PDZD2: variants seen among roughly 807,000 people sequenced by gnomAD.
PDZD2 encodes PDZ domain containing 2, also known as PDZ domain-containing protein 2.
A neutral mutation model predicts 220.7 loss-of-function variants in PDZD2; 90 were observed. That is an observed-to-expected ratio of 0.41 (90% CI 0.34 to 0.49). The LOEUF (loss-of-function observed/expected upper bound fraction) is 0.49. PDZD2 is among the 20% of genes least tolerant of loss of function. The probability of loss-of-function intolerance (pLI) is 0.28; values close to 1 mark genes in which losing one functional copy is unlikely to be tolerated. For synonymous variants in PDZD2, 1,375 were observed against 1,450.5 expected (o/e 0.95, Z 1.18); for missense variants, 3,174 against 3,608.5 (o/e 0.88, Z 3.08).
intron 2 of PDZD2, chr5:31,908,369 C>A: frequency 3.0e-6 from 1 of 330,472 alleles, no homozygotes; most frequent in Non-Finnish European, 5.6e-6. Context: ...TCATGATTAT[C>A]TACTGGGACC....
chr5:31,893,988 G>A (rs1205753511), intron 2 of PDZD2, among the ~76,000 whole-genome samples: 12 of 150,674 alleles, frequency 8.0e-5, no homozygotes, highest in East Asian at 2.0e-4. Context: ...TCCACCTCCC[G>A]GGTTCAAGTG....
intron 2 of PDZD2, among the ~76,000 whole-genome samples, chr5:31,977,049 C>T (rs1448816533): frequency 6.7e-6 from 1 of 149,952 alleles, no homozygotes; most frequent in Non-Finnish European, 1.5e-5. Flanking sequence ...GTAGAGACAG[C>T]TTCCTGCCAT....
intron 1 of PDZD2, among the ~76,000 whole-genome samples, chr5:31,670,304 C>T (rs1377022173): frequency 2.0e-5 from 3 of 152,164 alleles, no homozygotes; most frequent in Non-Finnish European, 4.4e-5. Context: ...CATATCAGGA[C>T]TTTAGTTTGA....
At chr5:31,735,572 G>A (rs1382486655) in intron 1 of PDZD2, among the ~76,000 whole-genome samples, 1 of 152,094 alleles carries the variant, frequency 6.6e-6, no homozygotes, top group African/African-American at 2.4e-5. Flanking sequence ...GCCAAGGTGG[G>A]GTGGATCACC....
chr5:31,811,657 T>C (rs189398574), intron 2 of PDZD2, among the ~76,000 whole-genome samples: 103 of 152,252 alleles, frequency 6.8e-4, no homozygotes, highest in Non-Finnish European at 1.3e-3. Flanking sequence ...AAAGGAGGCC[T>C]GAACTATTAT....
At chr5:32,007,210 G>A (rs1393671710) in intron 5 of PDZD2, among the ~76,000 whole-genome samples, 1 of 150,948 alleles carries the variant, frequency 6.6e-6, no homozygotes, top group Non-Finnish European at 1.5e-5. Context: ...GAGCCACCGC[G>A]CCCGGCCTGC....
At chr5:31,996,830 C>T (rs775993665) in intron 4 of PDZD2, among the ~76,000 whole-genome samples, 4 of 152,150 alleles carry the variant, frequency 2.6e-5, no homozygotes, top group African/African-American at 9.7e-5. Flanking sequence ...GCAGTGTGAG[C>T]CATCACTGTG....
chr5:31,964,967 C>T (rs1479796749), intron 2 of PDZD2, among the ~76,000 whole-genome samples: 2 of 152,108 alleles, frequency 1.3e-5, no homozygotes, highest in Non-Finnish European at 2.9e-5. Flanking sequence ...CGTGATCCGC[C>T]CACCTCCGCT....
intron 2 of PDZD2, among the ~76,000 whole-genome samples, chr5:31,846,242 T>C (rs946964501): frequency 3.9e-5 from 6 of 152,240 alleles, no homozygotes; most frequent in African/African-American, 1.4e-4. Flanking sequence ...CAAGTGATTC[T>C]CCTGCCTCAG....
At chr5:31,836,228 CTTT>C (rs34323361) in intron 2 of PDZD2, among the ~76,000 whole-genome samples, 1 of 122,164 alleles carries the variant, frequency 8.2e-6, no homozygotes. Context: ...ATTTTATTGG[CTTT>C]TTTTTTTTTT....
intron 7 of PDZD2, among the ~76,000 whole-genome samples, chr5:32,047,234 AAAC>A (rs151225858): frequency 0.13 from 19,291 of 152,150 alleles, 1,285 homozygotes; most frequent in South Asian, 0.16. Flanking sequence ...AATTTAAAAA[AAAC>A]AAATGAATAC....
At chr5:31,734,813 C>T (rs1749752869) in intron 1 of PDZD2, among the ~76,000 whole-genome samples, 1 of 152,142 alleles carries the variant, frequency 6.6e-6, no homozygotes, top group Admixed American at 6.6e-5. Flanking sequence ...AGCCCTCAGC[C>T]ACCAGTCATC....
chr5:32,089,748 G>C lies in PDZD2; in HGVS notation c.6300G>C (p.Val2100=). The C allele has an allele frequency of 6.2e-7, 1 of 1,614,190 alleles. No individual in the cohort carries two copies. Among genetic ancestry groups the C allele is most frequent in the Non-Finnish European group, 8.5e-7 (1 of 1,180,024 alleles). Residue 2100 remains valine, a synonymous_variant, in exon 20 of 25, where the codon GTG becomes GTC. Transcript: ENST00000438447. ...LKIVEISAEA[V]SETVCGNKPA... Reference sequence around the variant, plus strand: ...TCGTGGAGATTTCTGCTGAAGCAGTGTCAGAGACTGTATGTGGTAACAAGC... The same window carrying C: ...TCGTGGAGATTTCTGCTGAAGCAGTCTCAGAGACTGTATGTGGTAACAAGC...
chr5:32,030,024 G>T (rs551068032), intron 6 of PDZD2, among the ~76,000 whole-genome samples: 4 of 152,366 alleles, frequency 2.6e-5, no homozygotes, highest in African/African-American at 9.6e-5. Flanking sequence ...CCTACTTCAA[G>T]TGCTTTCTGT....
rs369628137 is a variant in PDZD2, at chr5:32,074,265, G to A, written c.3159G>A (p.Ala1053=). The A allele has an allele frequency of 5.8e-5, 94 of 1,614,048 alleles. 1 individual carries two copies. Among genetic ancestry groups the A allele is most frequent in the African/African-American group, 5.7e-4 (43 of 74,936 alleles). The part of the protein sequence containing the change: ...ESIPEGMVDA[A]SYAANLTDSA... Reference sequence around the variant, plus strand: ...TCCCAGAGGGCATGGTGGATGCTGCGTCCTATGCAGCCAACCTCACGGACT... The same window carrying A: ...TCCCAGAGGGCATGGTGGATGCTGCATCCTATGCAGCCAACCTCACGGACT... Residue 1053 remains alanine (A), a synonymous_variant, in exon 18 of 25, where the codon GCG becomes GCA. Coordinates refer to ENST00000438447, the MANE Select transcript of PDZD2 (RefSeq NM_178140.4).
intron 1 of PDZD2, among the ~76,000 whole-genome samples, chr5:31,663,758 G>A (rs1255219091): frequency 6.6e-6 from 1 of 152,186 alleles, no homozygotes; most frequent in Non-Finnish European, 1.5e-5. Context: ...CCTTGAAAGG[G>A]TTGTTCCTAG....
At chr5:31,938,685 A>G (rs1745968470) in intron 2 of PDZD2, among the ~76,000 whole-genome samples, 1 of 152,124 alleles carries the variant, frequency 6.6e-6, no homozygotes, top group Admixed American at 6.5e-5. Flanking sequence ...GTTTTTTGCA[A>G]TTATAAAAAA....
intron 2 of PDZD2, among the ~76,000 whole-genome samples, chr5:31,930,283 G>A (rs1745159652): frequency 7.1e-6 from 1 of 141,744 alleles, no homozygotes; most frequent in African/African-American, 2.7e-5. Context: ...TCCGCTTACT[G>A]CAAGCTCTGC....
chr5:31,761,402 C>CT (rs1751646069), intron 1 of PDZD2, among the ~76,000 whole-genome samples: 1 of 149,958 alleles, frequency 6.7e-6, no homozygotes, highest in East Asian at 2.0e-4. Flanking sequence ...AGACATAGGG[C>CT]TTGGGGGATA....
Sources: gnomAD v4.1 joint callset for allele counts (sites outside exome capture counted in the v4.1 genomes callset) on GRCh38, gnomAD v4.1.1 for gene constraint, MANE v1.5 for transcripts, NCBI Gene and HGNC (gene_info 2026-07-23, HGNC 2026-07-21) for gene names.